SLTM: variants seen among roughly 807,000 people sequenced by gnomAD.
SLTM encodes SAFB like transcription modulator.
In SLTM, 43 loss-of-function variants were observed where a neutral mutation model predicts 134.6. That is an observed-to-expected ratio of 0.32 (90% CI 0.25 to 0.41). SLTM has a LOEUF of 0.41. Among genes scored for constraint, SLTM ranks in the 10% least tolerant of loss-of-function variants. SLTM has a pLI of 1.00. For missense variants in SLTM, 1,055 were observed against 1,288.8 expected (o/e 0.82, Z 2.78); for synonymous variants, 424 against 432.3 (o/e 0.98, Z 0.24).
intron 3 of SLTM, among the ~76,000 whole-genome samples, chr15:58,915,462 T>G (rs576380282): frequency 6.6e-6 from 1 of 152,324 alleles, no homozygotes; most frequent in South Asian, 2.1e-4. Flanking sequence ...TTACAGCTTA[T>G]GGATAATCTT....
intron 5 of SLTM, among the ~76,000 whole-genome samples, chr15:58,901,595 G>T (rs2035492572): frequency 6.6e-6 from 1 of 152,186 alleles, no homozygotes; most frequent in South Asian, 2.1e-4. Context: ...TCAAAGAGCT[G>T]TCAATAAGAA....
In SLTM at chr15:58,893,936, T is replaced by G. The variant is rs1216769053; in HGVS notation, c.1533A>C (p.Glu511Asp). Residue 511 changes from glutamate to aspartate, a missense_variant, in exon 12 of 21, where the codon GAA becomes GAC. By Grantham distance (45) the Glu-to-Asp change is conservative. Coordinates refer to ENST00000380516, the MANE Select transcript of SLTM (RefSeq NM_024755.4). ...KEEKRSSEKS[E>D]KKESKDTKKI... ...TCTTAGTATCCTTGCTTTCTTTTTT[T>G]TCAGATTTCTCAGACGATCTTTTCT... 2 of 1,612,982 alleles carry G rather than the reference T, an allele frequency of 1.2e-6. No individual in the cohort carries two copies. Among genetic ancestry groups the G allele is most frequent in the Middle Eastern group, 3.3e-4 (2 of 6,054 alleles).
intron 2 of SLTM, among the ~76,000 whole-genome samples, chr15:58,922,501 T>C (rs1207312144): frequency 1.4e-5 from 2 of 145,914 alleles, no homozygotes; most frequent in African/African-American, 5.0e-5. Context: ...ATGCATATTA[T>C]ATATTATATA....
intron 5 of SLTM, among the ~76,000 whole-genome samples, chr15:58,911,637 T>C (rs1226291380): frequency 6.6e-6 from 1 of 152,224 alleles, no homozygotes; most frequent in Non-Finnish European, 1.5e-5. Flanking sequence ...AAGGGTTCTT[T>C]AGTCACAGAT....
At chr15:58,896,047 T>A (rs1297425537) in intron 9 of SLTM, among the ~76,000 whole-genome samples, 1 of 152,220 alleles carries the variant, frequency 6.6e-6, no homozygotes, top group Non-Finnish European at 1.5e-5. Flanking sequence ...TGAAAAACTA[T>A]AATGTAAGTA....
intron 5 of SLTM, among the ~76,000 whole-genome samples, chr15:58,905,890 T>C (rs1281478215): frequency 5.3e-5 from 8 of 152,226 alleles, no homozygotes; most frequent in Non-Finnish European, 1.2e-4. Context: ...AAGGGTTTCA[T>C]AATTTAAAGG....
chr15:58,882,129 G>A (rs538509050), intron 20 of SLTM, among the ~76,000 whole-genome samples: 5 of 122,262 alleles, frequency 4.1e-5, no homozygotes, highest in Non-Finnish European at 6.4e-5. Context: ...AGGTTGCAGC[G>A]AGCCGAGACT....
Position 58,901,271 on chromosome 15 carries a change from T to G in SLTM, c.578A>C (p.Glu193Ala). Residue 193 changes from glutamate to alanine, a missense_variant, in exon 6 of 21, where the codon GAA (glutamate) becomes GCA (alanine). By Grantham distance (107) the Glu-to-Ala change is moderately radical. Around this residue, in one of 3 missense-constraint regions of SLTM, gnomAD observed 268 missense variants for 284.3 expected, o/e 0.94. Transcript: ENST00000380516. ...AGCATCAAACATACCTTTCTCATTTTCTTCTTCCTCACCATCCTGAAATTC... is the reference window on the plus strand; with the variant it reads ...AGCATCAAACATACCTTTCTCATTTGCTTCTTCCTCACCATCCTGAAATTC... ...FLTAQDGEEE[E>A]NEKDIAGSGD... 1.2e-6 allele frequency: 2 copies of G among 1,606,324 alleles called. No individual in the cohort carries two copies. Among genetic ancestry groups the G allele is most frequent in the Middle Eastern group, 1.7e-4 (1 of 6,042 alleles).
intron 5 of SLTM, among the ~76,000 whole-genome samples, chr15:58,911,818 T>G (rs573179822): frequency 6.0e-4 from 92 of 152,274 alleles, no homozygotes; most frequent in South Asian, 3.9e-3. Flanking sequence ...CCAAGTAAAT[T>G]TCTAGAAATT....
chr15:58,902,505 C>G (rs1240418150), intron 5 of SLTM, among the ~76,000 whole-genome samples: 1 of 151,792 alleles, frequency 6.6e-6, no homozygotes, highest in African/African-American at 2.4e-5. Flanking sequence ...CCTGCCACAG[C>G]CTCCTGAGTA....
intron 5 of SLTM, among the ~76,000 whole-genome samples, chr15:58,908,369 T>G (rs2141090327): frequency 6.6e-6 from 1 of 151,932 alleles, no homozygotes; most frequent in East Asian, 1.9e-4. Flanking sequence ...CCAGATTAAA[T>G]TTTCTACTGT....
In SLTM at chr15:58,887,510, C is replaced by T. The variant is rs771245511; in HGVS notation, c.2406G>A (p.Gly802=). 2 of 1,612,724 alleles carry T rather than the reference C, an allele frequency of 1.2e-6. No homozygotes were observed. Among genetic ancestry groups the T allele is most frequent in the Non-Finnish European group, 1.7e-6 (2 of 1,179,474 alleles). The change falls in exon 18 of 21, where the codon GGG becomes GGA. Residue 802 remains glycine, a synonymous_variant. Transcript: ENST00000380516. ...RRDRFVGQSE[G]KKARPTARRE... ...TTCGTGCAGTAGGTCGTGCTTTTTT[C>T]CCCTCACTTTGACCAACAAAGCGAT...
At chr15:58,898,903 C>G in intron 7 of SLTM, 51 bp from the exon 8 acceptor site, 1 of 1,358,360 alleles carries the variant, frequency 7.4e-7, no homozygotes, top group Non-Finnish European at 1.0e-6. Flanking sequence ...CAAAAACAAA[C>G]CCAAAACAGA....
intron 19 of SLTM, among the ~76,000 whole-genome samples, chr15:58,885,257 A>G (rs1447534594): frequency 1.3e-5 from 2 of 152,234 alleles, no homozygotes; most frequent in Non-Finnish European, 2.9e-5. Context: ...GAAAGCAAGC[A>G]TTGTGATACT....
At chr15:58,911,023 T>G (rs2036234185) in intron 5 of SLTM, among the ~76,000 whole-genome samples, 1 of 152,112 alleles carries the variant, frequency 6.6e-6, no homozygotes, top group Non-Finnish European at 1.5e-5. Flanking sequence ...GGATGACAGG[T>G]GTGAGCCACC....
intron 13 of SLTM, 66 bp downstream of exon 13, chr15:58,893,213 A>G: frequency 1.4e-6 from 2 of 1,479,164 alleles, no homozygotes; most frequent in Non-Finnish European, 9.3e-7. Context: ...TGGTTATGGA[A>G]AAACAGAATT....
At chr15:58,884,885 T>G (rs2034055545) in intron 19 of SLTM, among the ~76,000 whole-genome samples, 1 of 152,222 alleles carries the variant, frequency 6.6e-6, no homozygotes, top group African/African-American at 2.4e-5. Context: ...TCCTCCCGCC[T>G]TGGCCTCCAA....
intron 6 of SLTM, 140 bp from the exon 7 acceptor site, chr15:58,900,077 AGGGT>A: frequency 1.5e-6 from 1 of 659,998 alleles, no homozygotes. Context: ...AAAAAACACA[AGGGT>A]ATTAACTAAC....
chr15:58,893,521 C>T (rs762713509), intron 12 of SLTM, among the ~76,000 whole-genome samples, 157 bp from the exon 13 acceptor site: 1 of 152,174 alleles, frequency 6.6e-6, no homozygotes, highest in Admixed American at 6.5e-5. Flanking sequence ...GTTTTTTAAA[C>T]AGTTCAGTCT....
Sources: gnomAD v4.1 joint callset for allele counts (sites outside exome capture counted in the v4.1 genomes callset) on GRCh38, gnomAD v4.1.1 for gene constraint, gnomAD v4.1.1 regional missense constraint, MANE v1.5 for transcripts, NCBI Gene and HGNC (gene_info 2026-07-23, HGNC 2026-07-21) for gene names.